ITPR1: variants seen among roughly 807,000 people sequenced by gnomAD.
ITPR1 encodes inositol 1,4,5-trisphosphate-gated calcium channel ITPR1.
ITPR1 carries 96 observed loss-of-function variants against 318.4 expected under a neutral mutation model. The observed-to-expected ratio is 0.30, with a 90% CI of 0.26 to 0.36. The LOEUF (loss-of-function observed/expected upper bound fraction) is 0.36, where lower values mean the gene tolerates loss of function less well. Among genes scored for constraint, ITPR1 ranks in the 10% least tolerant of loss-of-function variants. The pLI, the probability that ITPR1 is intolerant of heterozygous loss-of-function variation, is 1.00. For missense variants in ITPR1, 2,440 were observed against 3,460.2 expected, an observed-to-expected ratio of 0.71 and a Z score of 7.40; for synonymous variants, 1,312 against 1,289.9, an observed-to-expected ratio of 1.02 and a Z score of -0.37.
intron 44 of ITPR1, among the ~76,000 whole-genome samples, chr3:4,760,680 C>G (rs1381124755): frequency 6.6e-6 from 1 of 152,162 alleles, no homozygotes; most frequent in Non-Finnish European, 1.5e-5. Flanking sequence ...GAGAAGGCTT[C>G]CTTGCCTTTT....
chr3:4,658,425 G>A lies in ITPR1; in HGVS notation c.1151+147G>A, dbSNP rs559986422. 12 of 624,860 alleles carry A rather than the reference G, an allele frequency of 1.9e-5. No individual in the cohort carries two copies. The South Asian group carries it at 3.2e-4, about 17-fold the overall frequency. 38.7% of individuals were successfully genotyped at this position (624,860 alleles called of 1,614,324 possible). A position where few individuals can be genotyped will look rare whatever the true frequency, so the allele number is the denominator to read the frequency against. Reference sequence around the variant, plus strand: ...AAGGTTTGCACTGACTGCCCGGTATGGCAACTGATTTTTTTAATGGCTCAC... The same window carrying A: ...AAGGTTTGCACTGACTGCCCGGTATAGCAACTGATTTTTTTAATGGCTCAC... On this transcript the variant is annotated intron_variant, in intron 13 of 61. Transcript: ENST00000649015.
Position 4,674,284 on chromosome 3 carries a change from G to T in ITPR1, c.2539G>T (p.Asp847Tyr). The change falls in exon 22 of 62, where the codon GAT becomes TAT. Residue 847 changes from aspartate (D) to tyrosine (Y), a missense_variant. By Grantham distance (160) the Asp-to-Tyr change is radical. Around this residue, in one of 23 missense-constraint regions of ITPR1, gnomAD observed 478 missense variants for 696.3 expected, o/e 0.69. Coordinates refer to ENST00000649015, the MANE Select transcript of ITPR1 (RefSeq NM_001378452.1). ...TMEFVEEYLR[D>Y]VVCQRFPFSD... ...GGAGTTTGTGGAGGAGTATTTAAGA[G>T]ATGTGGTTTGTCAGAGGTTCCCTTT... is the stretch of plus-strand genomic sequence containing the variant. 1 of 1,599,014 alleles carries T rather than the reference G, an allele frequency of 6.3e-7. No individual in the cohort carries two copies. The highest frequency in any genetic ancestry group is 8.5e-7 in the Non-Finnish European group (1 of 1,171,594).
intron 45 of ITPR1, 61 bp downstream of exon 45, chr3:4,766,771 C>A: frequency 7.4e-7 from 1 of 1,345,458 alleles, no homozygotes; most frequent in South Asian, 1.5e-5. Context: ...CCTTGTTATC[C>A]TTCATTGTTT....
chr3:4,641,924 T>A (rs1408768315), intron 6 of ITPR1, among the ~76,000 whole-genome samples, 169 bp from the exon 7 acceptor site: 1 of 152,214 alleles, frequency 6.6e-6, no homozygotes, highest in African/African-American at 2.4e-5. Flanking sequence ...CCTTTTCTGT[T>A]CTTCCTTTTC....
intron 47 of ITPR1, 106 bp from the exon 48 acceptor site, chr3:4,777,158 C>G: frequency 3.1e-6 from 2 of 646,542 alleles, no homozygotes; most frequent in South Asian, 4.0e-5. Flanking sequence ...AGAGACATTA[C>G]TGGGAGTGGT....
intron 24 of ITPR1, among the ~76,000 whole-genome samples, chr3:4,677,378 T>G (rs2094205950): frequency 6.6e-6 from 1 of 152,178 alleles, no homozygotes. Flanking sequence ...GTCAGGATTG[T>G]TTGGAGACAC....
At chr3:4,523,582 C>T (rs1382904173) in intron 4 of ITPR1, among the ~76,000 whole-genome samples, 2 of 152,170 alleles carry the variant, frequency 1.3e-5, no homozygotes, top group African/African-American at 4.8e-5. Flanking sequence ...CCTCTCAATC[C>T]TCCACCCCAG....
chr3:4,705,597 A>C (rs2094740350), intron 36 of ITPR1, among the ~76,000 whole-genome samples: 1 of 152,198 alleles, frequency 6.6e-6, no homozygotes, highest in East Asian at 1.9e-4. Flanking sequence ...ACTAGTCAGG[A>C]GTCCTGTAGA....
rs535104598 is a variant in ITPR1 at position 4,693,209 on chromosome 3, A to G, written c.4030-281A>G. 2.2e-4 allele frequency among the ~76,000 whole-genome samples: 34 copies of G among 152,336 alleles called. No individual in the cohort carries two copies. The South Asian group carries it at 6.6e-3, about 30-fold the overall frequency. On this transcript the variant is annotated intron_variant, in intron 32 of 61. Transcript: ENST00000649015. ...ATGGAAATACCAGTGCAAGCTTGCA[A>G]TCTCTGTTTCCACTTGATGCATTAA...
At chr3:4,506,526 A>T (rs1289973660) in intron 2 of ITPR1, among the ~76,000 whole-genome samples, 1 of 151,962 alleles carries the variant, frequency 6.6e-6, no homozygotes, top group African/African-American at 2.4e-5. Flanking sequence ...TATACTCATC[A>T]CTATCTGATT....
At chr3:4,793,540 C>T (rs1397886172) in intron 52 of ITPR1, among the ~76,000 whole-genome samples, 1 of 152,208 alleles carries the variant, frequency 6.6e-6, no homozygotes, top group African/African-American at 2.4e-5. Context: ...CCAGAAGAAA[C>T]ACAATAGCTG....
At chr3:4,682,551 A>G (rs915331574) in intron 26 of ITPR1, among the ~76,000 whole-genome samples, 2 of 152,198 alleles carry the variant, frequency 1.3e-5, no homozygotes, top group Non-Finnish European at 2.9e-5. Context: ...TGAAATTTGA[A>G]TTAGCAACAT....
intron 52 of ITPR1, among the ~76,000 whole-genome samples, chr3:4,791,513 T>C (rs13075170): frequency 0.44 from 67,052 of 151,988 alleles, 15,346 homozygotes; most frequent in Non-Finnish European, 0.49. Context: ...AGAGCTTAGG[T>C]GGTAATGCTC....
chr3:4,655,950 A>G (rs574388827), intron 12 of ITPR1, among the ~76,000 whole-genome samples: 50 of 152,258 alleles, frequency 3.3e-4, no homozygotes. Flanking sequence ...GGAAACTTGG[A>G]TGGAAAACCT....
intron 4 of ITPR1, among the ~76,000 whole-genome samples, chr3:4,599,942 A>T (rs1489388285): frequency 6.6e-6 from 1 of 152,114 alleles, no homozygotes; most frequent in East Asian, 1.9e-4. Flanking sequence ...TCTCTCCCAG[A>T]AGTCTCCTCC....
intron 60 of ITPR1, among the ~76,000 whole-genome samples, chr3:4,823,193 C>T (rs4685827): frequency 0.19 from 29,279 of 152,106 alleles, 2,891 homozygotes; most frequent in Admixed American, 0.21. Flanking sequence ...CTGAGAGAAT[C>T]TAGATGCTGC....
rs768078525 is a variant in ITPR1, at chr3:4,673,330, C to T, written c.2399C>T (p.Thr800Ile). Reference protein sequence around the residue: ...HVDRDPQEQVTPVKYARLWSE... With the variant: ...HVDRDPQEQVIPVKYARLWSE... ...GACCGAGATCCCCAGGAACAAGTCA[C>T]CCCCGTGAAATATGCCCGCCTCTGG... The change falls in exon 21 of 62, where the codon ACC becomes ATC. Residue 800 changes from threonine (T) to isoleucine (I), a missense_variant. Around this residue, in one of 23 missense-constraint regions of ITPR1, gnomAD observed 478 missense variants for 696.3 expected, o/e 0.69. Coordinates refer to ENST00000649015, the MANE Select transcript of ITPR1 (RefSeq NM_001378452.1). 6.2e-7 allele frequency: 1 copy of T among 1,613,422 alleles called. No individual in the cohort carries two copies. Among genetic ancestry groups the T allele is most frequent in the Admixed American group, 1.7e-5 (1 of 60,020 alleles).
intron 4 of ITPR1, among the ~76,000 whole-genome samples, chr3:4,555,387 T>G (rs1356683032): frequency 1.3e-5 from 2 of 152,236 alleles, no homozygotes; most frequent in African/African-American, 4.8e-5. Flanking sequence ...ATGTTTCCTA[T>G]TCATTTGAAG....
At chr3:4,731,816 A>T (rs1370085319) in intron 42 of ITPR1, among the ~76,000 whole-genome samples, 1 of 152,114 alleles carries the variant, frequency 6.6e-6, no homozygotes, top group Non-Finnish European at 1.5e-5. Context: ...TGTTTTGCAA[A>T]TGCCTCACTT....
Sources: allele counts gnomAD v4.1 joint callset (sites outside exome capture counted in the v4.1 genomes callset), GRCh38; gene constraint gnomAD v4.1.1; regional missense constraint gnomAD v4.1.1; transcripts MANE v1.5; gene names NCBI Gene and HGNC (gene_info 2026-07-23, HGNC 2026-07-21).